RGS6: variants seen among roughly 807,000 people sequenced by gnomAD.
RGS6 encodes the protein regulator of G-protein signaling 6.
Under a neutral mutation model 78.5 loss-of-function variants are expected in RGS6, and 30 were observed. The ratio of observed to expected loss-of-function variants is 0.38; its 90% confidence interval spans 0.29 to 0.52. The LOEUF (loss-of-function observed/expected upper bound fraction) is 0.52. Ranked by LOEUF, RGS6 falls within the 20% of genes least tolerant of loss-of-function variation. The probability of loss-of-function intolerance (pLI) is 0.85; values close to 1 mark genes in which losing one functional copy is unlikely to be tolerated. For synonymous variants in RGS6, 206 were observed against 206.0 expected (o/e 1.00, Z 0.00); for missense variants, 495 against 609.7 (o/e 0.81, Z 1.98).
At chr14:72,428,434 G>C (rs372517823) in intron 3 of RGS6, among the ~76,000 whole-genome samples, 1 of 152,202 alleles carries the variant, frequency 6.6e-6, no homozygotes. Flanking sequence ...GATTCAGTTC[G>C]CCCAGGAGTG....
chr14:72,419,179 T>G (rs1389383729), intron 3 of RGS6, among the ~76,000 whole-genome samples: 1 of 152,258 alleles, frequency 6.6e-6, no homozygotes, highest in Non-Finnish European at 1.5e-5. Context: ...CCCATGGTTG[T>G]TATCTTTTGA....
At chr14:72,314,665 A>G (rs2069597408) in intron 2 of RGS6, among the ~76,000 whole-genome samples, 1 of 152,210 alleles carries the variant, frequency 6.6e-6, no homozygotes, top group South Asian at 2.1e-4. Context: ...AGATTTTGCC[A>G]TTCTGCCACA....
At chr14:72,029,193 A>G (rs1162528720) in intron 2 of RGS6, among the ~76,000 whole-genome samples, 3 of 152,160 alleles carry the variant, frequency 2.0e-5, no homozygotes, top group African/African-American at 7.2e-5. Context: ...CCTGGGTTCT[A>G]TGTTGGAGCC....
intron 2 of RGS6, among the ~76,000 whole-genome samples, chr14:72,232,435 A>G (rs765635725): frequency 6.6e-6 from 1 of 152,176 alleles, no homozygotes; most frequent in Non-Finnish European, 1.5e-5. Context: ...TTTCTGAAAC[A>G]TTCTCTTCCT....
At chr14:72,099,722 C>T (rs2095488794) in intron 2 of RGS6, among the ~76,000 whole-genome samples, 1 of 152,188 alleles carries the variant, frequency 6.6e-6, no homozygotes, top group Non-Finnish European at 1.5e-5. Flanking sequence ...CTCTCTGCCA[C>T]TCTTCCTCAT....
At chr14:72,148,664 G>T (rs564501541) in intron 2 of RGS6, among the ~76,000 whole-genome samples, 1 of 152,198 alleles carries the variant, frequency 6.6e-6, no homozygotes, top group Non-Finnish European at 1.5e-5. Context: ...TGAATATGGT[G>T]TGGGGGCAGG....
At chr14:72,447,126 TG>T (rs1447799078) in intron 3 of RGS6, among the ~76,000 whole-genome samples, 4 of 152,046 alleles carry the variant, frequency 2.6e-5, no homozygotes, top group African/African-American at 9.7e-5. Flanking sequence ...TGTTGCATTC[TG>T]GGAAGGGAAA....
intron 2 of RGS6, among the ~76,000 whole-genome samples, chr14:71,996,013 G>A (rs2095187031): frequency 6.6e-6 from 1 of 152,104 alleles, no homozygotes; most frequent in Non-Finnish European, 1.5e-5. Context: ...CTGGCCTCCC[G>A]AGGCCTTCCG....
In RGS6 at chr14:72,175,265, T is replaced by C. The variant is rs971175578; in HGVS notation, c.85-176830T>C. Among the ~76,000 whole-genome samples the C allele has an allele frequency of 2.6e-5, 4 of 152,142 alleles. No individual in the cohort carries two copies. The East Asian group carries it at 7.7e-4, about 29-fold the overall frequency. ...TGTACCTGGAACTCTTATGTTCTGGTTAAGTATTCTAGCATAAGAGAGGGG... is the reference window on the plus strand; with the variant it reads ...TGTACCTGGAACTCTTATGTTCTGGCTAAGTATTCTAGCATAAGAGAGGGG... On this transcript the variant is annotated intron_variant, in intron 2 of 17. Coordinates refer to ENST00000553525, the MANE Select transcript of RGS6 (RefSeq NM_001204424.2).
At chr14:72,354,637 A>C (rs924181323) in intron 3 of RGS6, among the ~76,000 whole-genome samples, 1 of 152,106 alleles carries the variant, frequency 6.6e-6, no homozygotes, top group Non-Finnish European at 1.5e-5. Flanking sequence ...CTCAAAAAAA[A>C]AAGTAAGCTA....
the RGS6 span, among the ~76,000 whole-genome samples, chr14:72,599,393 C>CTTTTT: frequency 2.0e-4 from 16 of 78,210 alleles, 1 homozygote; most frequent in African/African-American, 6.8e-4. Flanking sequence ...CTTTTCTTTC[C>CTTTTT]TTTTTTTTTT....
chr14:72,382,339 A>G (rs1347420372), intron 3 of RGS6, among the ~76,000 whole-genome samples: 4 of 152,202 alleles, frequency 2.6e-5, no homozygotes, highest in Non-Finnish European at 5.9e-5. Context: ...AGCATACAAC[A>G]GTTGCTCAAT....
chr14:71,972,683 G>T (rs1302724390), intron 2 of RGS6, among the ~76,000 whole-genome samples: 2 of 152,086 alleles, frequency 1.3e-5, no homozygotes. Context: ...AGAAGTGGTA[G>T]GATTGGAGGT....
At chr14:72,352,260 C>A in intron 3 of RGS6, 66 bp downstream of exon 3, 13 of 1,196,114 alleles carry the variant, frequency 1.1e-5, no homozygotes, top group Non-Finnish European at 1.5e-5. Context: ...GTCTAGATTG[C>A]GGCCTGAGGG....
intron 2 of RGS6, among the ~76,000 whole-genome samples, chr14:72,134,847 C>T (rs1229712556): frequency 6.6e-6 from 1 of 152,162 alleles, no homozygotes; most frequent in Non-Finnish European, 1.5e-5. Flanking sequence ...TGAATTCCCC[C>T]TTTCCCCATC....
chr14:72,466,343 A>G lies in RGS6; in HGVS notation c.459+521A>G, dbSNP rs541119130. ...GCTTGGCAGTTTCTTATAAAGTTAAACATACACTTACCATATAACCAAGCA... is the reference window on the plus strand; with the variant it reads ...GCTTGGCAGTTTCTTATAAAGTTAAGCATACACTTACCATATAACCAAGCA... On this transcript the variant is annotated intron_variant, in intron 7 of 17. Coordinates refer to ENST00000553525, the MANE Select transcript of RGS6 (RefSeq NM_001204424.2). Among the ~76,000 whole-genome samples, 5 of 152,314 alleles carry G rather than the reference A, an allele frequency of 3.3e-5. No individual in the cohort carries two copies. In the East Asian group the frequency reaches 5.8e-4, roughly 18 times the overall value.
rs1205662615 is a variant in RGS6 at position 72,170,205 on chromosome 14, A to G, written c.85-181890A>G. ...CCTACAATGTATCCCCTTCTTACCAATAAATTCTGCCAACCAAAATGATCA... is the reference window on the plus strand; with the variant it reads ...CCTACAATGTATCCCCTTCTTACCAGTAAATTCTGCCAACCAAAATGATCA... On this transcript the variant is annotated intron_variant, in intron 2 of 17. Coordinates refer to ENST00000553525, the MANE Select transcript of RGS6 (RefSeq NM_001204424.2). 2.0e-5 allele frequency among the ~76,000 whole-genome samples: 3 copies of G among 152,208 alleles called. No individual in the cohort carries two copies. In the East Asian group the frequency reaches 5.8e-4, roughly 29 times the overall value.
intron 2 of RGS6, among the ~76,000 whole-genome samples, chr14:72,108,507 T>A (rs1462328797): frequency 2.0e-5 from 3 of 151,974 alleles, no homozygotes; most frequent in Non-Finnish European, 4.4e-5. Context: ...TTTCTTGTTT[T>A]ACTGTTTCTG....
the RGS6 span, among the ~76,000 whole-genome samples, chr14:72,576,111 G>A: frequency 6.6e-6 from 1 of 152,218 alleles, no homozygotes; most frequent in Non-Finnish European, 1.5e-5. Flanking sequence ...CACCAAATTC[G>A]CATCTCCTTG....
Sources: gnomAD v4.1 joint callset for allele counts (sites outside exome capture counted in the v4.1 genomes callset) on GRCh38, gnomAD v4.1.1 for gene constraint, MANE v1.5 for transcripts, NCBI Gene and HGNC (gene_info 2026-07-23, HGNC 2026-07-21) for gene names.